POU2F1: variants seen among roughly 807,000 people sequenced by gnomAD.
POU2F1 encodes the protein POU domain, class 2, transcription factor 1.
Under a neutral mutation model 84.9 loss-of-function variants are expected in POU2F1, and 16 were observed. The observed-to-expected ratio is 0.19, with a 90% confidence interval of 0.13 to 0.29. The LOEUF (loss-of-function observed/expected upper bound fraction) is 0.29, where lower values mean the gene tolerates loss of function less well. Ranked by LOEUF, POU2F1 falls within the 10% of genes least tolerant of loss-of-function variation. The pLI is 1.00. For synonymous variants in POU2F1, 368 were observed against 368.3 expected, an observed-to-expected ratio of 1.00 and a Z score of 0.01; for missense variants, 738 against 942.6, an observed-to-expected ratio of 0.78 and a Z score of 2.84.
At chr1:167,329,285 G>T in intron 1 of POU2F1, 2 of 1,548,476 alleles carry the variant, frequency 1.3e-6, no homozygotes, top group South Asian at 1.2e-5. Context: ...AGCAATGCTG[G>T]ACTGCAGTGA....
rs1659078949 is a variant in POU2F1, at chr1:167,357,964, C to T, written c.128-7503C>T. ...GACTACAGGCGCACATCACTACACCCAGCTAATTTTTGTATTTTTAGTAGA... is the reference window on the plus strand; with the variant it reads ...GACTACAGGCGCACATCACTACACCTAGCTAATTTTTGTATTTTTAGTAGA... On this transcript the variant is annotated intron_variant, in intron 2 of 15. Coordinates refer to ENST00000367866, the MANE Select transcript of POU2F1 (RefSeq NM_002697.4). Among the ~76,000 whole-genome samples, 6 of 151,214 alleles carry T rather than the reference C, an allele frequency of 4.0e-5. No individual in the cohort carries two copies. The South Asian group carries it at 1.3e-3, about 32-fold the overall frequency.
intron 6 of POU2F1, among the ~76,000 whole-genome samples, chr1:167,375,050 A>C (rs112730565): frequency 0.025 from 3,858 of 152,264 alleles, 161 homozygotes; most frequent in African/African-American, 0.086. Flanking sequence ...AAAATTAAGA[A>C]GCATACACAA....
Position 167,324,852 on chromosome 1 carries a change from A to G in POU2F1, c.62-7618A>G, listed in dbSNP as rs138952309. ...TCTAGATTTTTAGTAAATGATAGAC[A>G]TTCCGTTAAGTTATTCTAAAAGATT... On this transcript the variant is annotated intron_variant, in intron 1 of 15. Coordinates refer to ENST00000367866, the MANE Select transcript of POU2F1 (RefSeq NM_002697.4). 4.4e-3 allele frequency among the ~76,000 whole-genome samples: 670 copies of G among 152,338 alleles called. 5 individuals carry two copies. Among genetic ancestry groups the G allele is most frequent in the African/African-American group, 0.015 (620 of 41,578 alleles).
In POU2F1 at chr1:167,420,857, C is replaced by G. The variant is rs1650607865; in HGVS notation, c.*5047C>G. ...GGGCCCCAACAATTCATTTGGAGAG[C>G]TTGGCCAAATACTTTCTCATTAAAT... On this transcript the variant is annotated 3_prime_UTR_variant, in exon 16 of 16. Transcript: ENST00000367866. 1.3e-5 allele frequency: 2 copies of G among 152,164 alleles called. No individual in the cohort carries two copies. The allele number at this position is 152,164 out of a possible 1,614,324, so 9.4% of individuals were successfully genotyped here.
chr1:167,257,049 A>G (rs752025657), intron 1 of POU2F1, among the ~76,000 whole-genome samples: 79 of 152,160 alleles, frequency 5.2e-4, no homozygotes, highest in Non-Finnish European at 1.0e-3. Context: ...GATGCTATCT[A>G]TTGCTCAAGG....
At chr1:167,394,847 A>C (rs1015813683) in intron 9 of POU2F1, among the ~76,000 whole-genome samples, 5 of 152,320 alleles carry the variant, frequency 3.3e-5, no homozygotes, top group Admixed American at 6.5e-5. Context: ...TTACTTTTTT[A>C]ACCCAACTAC....
chr1:167,292,426 AT>A (rs1653992252), intron 1 of POU2F1, among the ~76,000 whole-genome samples: 1 of 151,882 alleles, frequency 6.6e-6, no homozygotes, highest in Non-Finnish European at 1.5e-5. Flanking sequence ...AGCTTTAGAA[AT>A]TTCTGCCATC....
At chr1:167,339,042 A>G (rs892201518) in intron 2 of POU2F1, among the ~76,000 whole-genome samples, 1 of 152,176 alleles carries the variant, frequency 6.6e-6, no homozygotes, top group African/African-American at 2.4e-5. Context: ...TGGAGGTACT[A>G]TGGAAAGTCC....
At chr1:167,412,454 A>G in intron 14 of POU2F1, 150 bp downstream of exon 14, 1 of 651,016 alleles carries the variant, frequency 1.5e-6, no homozygotes, top group Non-Finnish European at 2.4e-6. Flanking sequence ...GTGATCATAC[A>G]AGGACTTTGA....
chr1:167,340,387 A>G (rs1454270560), intron 2 of POU2F1, among the ~76,000 whole-genome samples: 1 of 149,926 alleles, frequency 6.7e-6, no homozygotes, highest in Non-Finnish European at 1.5e-5. Context: ...GCCCAGAACC[A>G]TTCTTTTACC....
At chr1:167,302,622 C>T (rs374054863) in intron 1 of POU2F1, among the ~76,000 whole-genome samples, 1 of 152,114 alleles carries the variant, frequency 6.6e-6, no homozygotes. Flanking sequence ...TGCATCTCAG[C>T]TGTTCAGATT....
chr1:167,237,772 ATTT>A (rs1216931950), intron 1 of POU2F1, among the ~76,000 whole-genome samples: 4 of 29,932 alleles, frequency 1.3e-4, no homozygotes, highest in African/African-American at 4.5e-4. Context: ...ATATATATAT[ATTT>A]TTTTTTTTTT....
At chr1:167,272,697 C>T (rs577685348) in intron 1 of POU2F1, among the ~76,000 whole-genome samples, 1 of 152,218 alleles carries the variant, frequency 6.6e-6, no homozygotes, top group Admixed American at 6.5e-5. Context: ...GGGAAGACTA[C>T]CCCCATGATC....
At chr1:167,223,359 TTAGAGGAAA>T (rs1468639000) in intron 1 of POU2F1, among the ~76,000 whole-genome samples, 1 of 152,174 alleles carries the variant, frequency 6.6e-6, no homozygotes, top group Non-Finnish European at 1.5e-5. Context: ...CTTTTACTGT[TTAGAGGAAA>T]CAGTAATTTT....
chr1:167,248,258 G>T (rs1650482166), intron 1 of POU2F1, among the ~76,000 whole-genome samples: 1 of 152,224 alleles, frequency 6.6e-6, no homozygotes, highest in African/African-American at 2.4e-5. Flanking sequence ...GTTAGTAGAT[G>T]AACTTAATGG....
chr1:167,329,635 CAA>C (rs1036485623), intron 1 of POU2F1, among the ~76,000 whole-genome samples: 1 of 152,030 alleles, frequency 6.6e-6, no homozygotes, highest in Non-Finnish European at 1.5e-5. Flanking sequence ...AAATCTGAAA[CAA>C]GGCATAGAAC....
At position 167,280,354 on chromosome 1, in the gene POU2F1, T is replaced by C. The variant is rs544816851; in HGVS notation, c.62-52116T>C. On this transcript the variant is annotated intron_variant, in intron 1 of 15. Transcript: ENST00000367866. ...AGAGATTTTATTGCCATTACTGTTA[T>C]GTAGGGTTTTTTTTTTTTTCAGACT... Among the ~76,000 whole-genome samples the C allele has an allele frequency of 1.4e-4, 21 of 151,924 alleles. No homozygotes were observed. In the East Asian group the frequency reaches 4.1e-3, roughly 29 times the overall value.
intron 1 of POU2F1, among the ~76,000 whole-genome samples, chr1:167,310,424 G>T (rs1472661771): frequency 1.3e-5 from 2 of 151,922 alleles, no homozygotes; most frequent in African/African-American, 4.8e-5. Flanking sequence ...TTTCATAAGT[G>T]ACATACCTAA....
intron 2 of POU2F1, among the ~76,000 whole-genome samples, chr1:167,337,634 C>G (rs1031795661): frequency 2.6e-5 from 4 of 151,672 alleles, no homozygotes; most frequent in African/African-American, 9.7e-5. Flanking sequence ...TCTGTGGTGG[C>G]TCACACCTGT....
Sources: gnomAD v4.1 joint callset for allele counts (sites outside exome capture counted in the v4.1 genomes callset) on GRCh38, gnomAD v4.1.1 for gene constraint, MANE v1.5 for transcripts, NCBI Gene and HGNC (gene_info 2026-07-23, HGNC 2026-07-21) for gene names.